Variants in FRMD6 observed in about 807,000 individuals in gnomAD.
The protein encoded by FRMD6 is FERM domain containing 6, also known as FERM domain-containing protein 6.
Under a neutral mutation model 73.2 loss-of-function variants are expected in FRMD6, and 37 were observed. That is an observed-to-expected ratio of 0.51 (90% CI 0.39 to 0.66). The LOEUF is 0.66. FRMD6 is among the 30% of genes least tolerant of loss of function. FRMD6 has a pLI of 0.00. For synonymous variants in FRMD6, 273 were observed against 282.2 expected, an observed-to-expected ratio of 0.97 and a Z score of 0.33; for missense variants, 714 against 780.5, an observed-to-expected ratio of 0.91 and a Z score of 1.02.
intron 2 of FRMD6, among the ~76,000 whole-genome samples, chr14:51,592,113 CT>C (rs1284086542): frequency 6.6e-6 from 1 of 152,152 alleles, no homozygotes; most frequent in African/African-American, 2.4e-5. Context: ...TTTTAATTTT[CT>C]TTTCTGAAAT....
chr14:51,620,634 T>G (rs1032306212), intron 2 of FRMD6, among the ~76,000 whole-genome samples: 1 of 152,200 alleles, frequency 6.6e-6, no homozygotes, highest in African/African-American at 2.4e-5. Context: ...GAATGTCACC[T>G]TTCCCAAGAA....
chr14:51,693,221 T>TA (rs1449032581), intron 2 of FRMD6, among the ~76,000 whole-genome samples: 1 of 152,190 alleles, frequency 6.6e-6, no homozygotes, highest in Non-Finnish European at 1.5e-5. Context: ...GAATAATACT[T>TA]ACGCTGCAGG....
At chr14:51,567,085 T>C (rs4371085) in intron 1 of FRMD6, among the ~76,000 whole-genome samples, 58,177 of 151,948 alleles carry the variant, frequency 0.38, 11,225 homozygotes, top group South Asian at 0.44. Flanking sequence ...TAGTGCCCCA[T>C]CTGAAGGGAT....
At chr14:51,531,562 C>T (rs1361867300) in intron 1 of FRMD6, among the ~76,000 whole-genome samples, 1 of 152,152 alleles carries the variant, frequency 6.6e-6, no homozygotes, top group Non-Finnish European at 1.5e-5. Context: ...TAGTTTTGAT[C>T]ATTATCACTT....
chr14:51,596,880 G>C (rs556774049), intron 2 of FRMD6, among the ~76,000 whole-genome samples: 2 of 152,290 alleles, frequency 1.3e-5, no homozygotes, highest in East Asian at 3.9e-4. Context: ...ACAGCACCCC[G>C]CATGTATACG....
chr14:51,696,313 A>G (rs1895939086), intron 2 of FRMD6, among the ~76,000 whole-genome samples: 1 of 151,526 alleles, frequency 6.6e-6, no homozygotes, highest in Non-Finnish European at 1.5e-5. Context: ...ACAAGATAGA[A>G]TCAGCAGAAT....
At chr14:51,652,389 C>G (rs4143904) in intron 1 of FRMD6, among the ~76,000 whole-genome samples, 115,191 of 152,110 alleles carry the variant, frequency 0.76, 44,002 homozygotes, top group Non-Finnish European at 0.8. Flanking sequence ...CGTGCGCGGT[C>G]CCTGGTTCTC....
intron 2 of FRMD6, among the ~76,000 whole-genome samples, chr14:51,644,157 T>C (rs1280260133): frequency 1.3e-5 from 2 of 152,064 alleles, no homozygotes; most frequent in African/African-American, 4.8e-5. Flanking sequence ...AATTATACCA[T>C]ACATTGACAC....
At chr14:51,421,723 G>T in the FRMD6 span, among the ~76,000 whole-genome samples, 1 of 152,210 alleles carries the variant, frequency 6.6e-6, no homozygotes, top group Non-Finnish European at 1.5e-5. Flanking sequence ...CTAGGGCCAT[G>T]GTGAACCCCA....
chr14:51,725,060 A>T (rs1897873263), intron 12 of FRMD6, among the ~76,000 whole-genome samples: 1 of 152,076 alleles, frequency 6.6e-6, no homozygotes, highest in African/African-American at 2.4e-5. Context: ...TCCCAGGGGG[A>T]TCTGCTGCAG....
At chr14:51,700,455 T>G (rs1027550337) in intron 3 of FRMD6, among the ~76,000 whole-genome samples, 1 of 152,018 alleles carries the variant, frequency 6.6e-6, no homozygotes, top group Admixed American at 6.6e-5. Flanking sequence ...TTCTTCTCTT[T>G]TCCATGAAAT....
At chr14:51,404,671 C>T in the FRMD6 span, among the ~76,000 whole-genome samples, 1 of 152,152 alleles carries the variant, frequency 6.6e-6, no homozygotes, top group African/African-American at 2.4e-5. Context: ...CTTTAGTATT[C>T]TGCAATGCTT....
intron 1 of FRMD6, among the ~76,000 whole-genome samples, chr14:51,512,755 G>T (rs1884390252): frequency 6.6e-6 from 1 of 152,114 alleles, no homozygotes; most frequent in Non-Finnish European, 1.5e-5. Context: ...CCCCAGGCTG[G>T]AACCAACTCA....
chr14:51,464,105 G>C, the FRMD6 span, among the ~76,000 whole-genome samples: 1 of 152,172 alleles, frequency 6.6e-6, no homozygotes, highest in African/African-American at 2.4e-5. Context: ...CCACTGCACT[G>C]GTCTGAGGTT....
intron 2 of FRMD6, among the ~76,000 whole-genome samples, chr14:51,593,820 T>A (rs777435163): frequency 2.6e-5 from 4 of 152,174 alleles, no homozygotes; most frequent in Admixed American, 6.5e-5. Context: ...GTTATGTGTA[T>A]ATATAAATAC....
At chr14:51,610,182 C>G (rs1463765839) in intron 2 of FRMD6, among the ~76,000 whole-genome samples, 1 of 152,032 alleles carries the variant, frequency 6.6e-6, no homozygotes, top group Non-Finnish European at 1.5e-5. Flanking sequence ...CAGCCCTCGG[C>G]CAATGGACCC....
chr14:51,517,403 G>A (rs973872970), intron 1 of FRMD6, among the ~76,000 whole-genome samples: 2 of 152,118 alleles, frequency 1.3e-5, no homozygotes, highest in Admixed American at 6.5e-5. Flanking sequence ...TTGTCACATA[G>A]ATATAAAAAT....
At chr14:51,708,840 C>G (rs116251906) in intron 7 of FRMD6, among the ~76,000 whole-genome samples, 1 of 152,172 alleles carries the variant, frequency 6.6e-6, no homozygotes, top group East Asian at 1.9e-4. Context: ...AGGATTTAGT[C>G]AAGGCCTTCT....
the FRMD6 span, among the ~76,000 whole-genome samples, chr14:51,406,979 G>A: frequency 6.6e-6 from 1 of 152,032 alleles, no homozygotes; most frequent in Admixed American, 6.6e-5. Context: ...AGACAAACTT[G>A]ATAAACTGTT....
Sources: allele counts gnomAD v4.1 joint callset (sites outside exome capture counted in the v4.1 genomes callset), GRCh38; gene constraint gnomAD v4.1.1; transcripts MANE v1.5; gene names NCBI Gene and HGNC (gene_info 2026-07-23, HGNC 2026-07-21).